Variants in TTC27 observed in about 807,000 individuals in gnomAD.
The protein encoded by TTC27 is tetratricopeptide repeat protein 27.
Under a neutral mutation model 115.9 loss-of-function variants are expected in TTC27, and 79 were observed. The ratio of observed to expected loss-of-function variants is 0.68; its 90% confidence interval spans 0.57 to 0.82. TTC27 has a LOEUF of 0.82. Among genes scored for constraint, TTC27 ranks in the 40% least tolerant of loss-of-function variants. The probability of loss-of-function intolerance (pLI) is 0.00; values close to 1 mark genes in which losing one functional copy is unlikely to be tolerated. For missense variants in TTC27, 1,054 were observed against 993.1 expected (o/e 1.06, Z -0.82); for synonymous variants, 401 against 356.0 (o/e 1.13, Z -1.42).
intron 13 of TTC27, among the ~76,000 whole-genome samples, chr2:32,766,997 G>T (rs1422760531): frequency 6.6e-6 from 1 of 152,026 alleles, no homozygotes; most frequent in Non-Finnish European, 1.5e-5. Context: ...TGTTACTCAG[G>T]CTTGTTTTGA....
At chr2:32,757,217 C>T (rs1669263865) in intron 12 of TTC27, among the ~76,000 whole-genome samples, 1 of 152,132 alleles carries the variant, frequency 6.6e-6, no homozygotes. Context: ...TCCCAGGCTC[C>T]CCAACCATAC....
intron 13 of TTC27, 132 bp downstream of exon 13, chr2:32,758,651 C>G (rs1669328637): frequency 2.5e-6 from 2 of 796,504 alleles, no homozygotes; most frequent in Non-Finnish European, 3.9e-6. Context: ...AACTTAGTCT[C>G]TAATAGACTT....
chr2:32,628,179 T>TA lies in TTC27; in HGVS notation c.-112dup. The TA allele has an allele frequency of 1.1e-6, 1 of 951,506 alleles. No individual in the cohort carries two copies. The highest frequency in any genetic ancestry group is 1.6e-6 in the Non-Finnish European group (1 of 615,886). The allele number at this position is 951,506 out of a possible 1,614,324, so 58.9% of individuals were successfully genotyped here. On this transcript the variant is annotated 5_prime_UTR_variant, in exon 1 of 20. Transcript: ENST00000317907. ...TCTAGGGCCGCAGGTGTATTTACGG[T>TA]AACTGTCGCCACTAGATTTCAGCGC...
intron 6 of TTC27, 144 bp downstream of exon 6, chr2:32,664,611 T>C (rs2151879467): frequency 2.9e-6 from 2 of 693,110 alleles, no homozygotes; most frequent in East Asian, 5.9e-5. Context: ...ATTTACAAAT[T>C]TATAGTTTAT....
intron 13 of TTC27, chr2:32,766,413 C>T: frequency 3.2e-6 from 1 of 308,140 alleles, no homozygotes. Flanking sequence ...TACTTGAACG[C>T]TGAGAGGCAC....
Position 32,744,183 on chromosome 2 carries a change from A to G in TTC27, c.1452+7367A>G, listed in dbSNP as rs892961171. Among the ~76,000 whole-genome samples the G allele has an allele frequency of 3.9e-5, 6 of 152,236 alleles. No individual in the cohort carries two copies. In the East Asian group the frequency reaches 1.2e-3, roughly 29 times the overall value. The stretch of plus-strand genomic sequence containing the variant: ...ATGTGGCTCTCATATTTACAGCTAC[A>G]TAATTCTTTCTCTGCTGTCCTGCTC... On this transcript the variant is annotated intron_variant, in intron 12 of 19. Coordinates refer to ENST00000317907, the MANE Select transcript of TTC27 (RefSeq NM_017735.5).
In TTC27 at chr2:32,798,713, A is replaced by AAAAAAAAAAAT. The variant is rs1368512271; in HGVS notation, c.1998+11566_1998+11567insAAAAAAAATAA. On this transcript the variant is annotated intron_variant, in intron 16 of 19. Coordinates refer to ENST00000317907, the MANE Select transcript of TTC27 (RefSeq NM_017735.5). ...GAGCGAGACTCCAGCTCAAAAAAAA[A>AAAAAAAAAAAT]AATAATAATAATAATAATAATAATA... Among the ~76,000 whole-genome samples the AAAAAAAAAAAT allele has an allele frequency of 1.7e-3, 237 of 142,318 alleles. 1 individual carries two copies. Among genetic ancestry groups the AAAAAAAAAAAT allele is most frequent in the African/African-American group, 6.2e-3 (227 of 36,854 alleles). 93.4% of individuals were successfully genotyped at this position (142,318 alleles called of 152,430 possible).
At chr2:32,819,297 C>T (rs1346034515) in intron 19 of TTC27, among the ~76,000 whole-genome samples, 2 of 152,124 alleles carry the variant, frequency 1.3e-5, no homozygotes, top group East Asian at 3.9e-4. Flanking sequence ...AGAACATCAT[C>T]TGTGTTTAGA....
At chr2:32,728,101 C>T (rs1024527810) in intron 10 of TTC27, among the ~76,000 whole-genome samples, 28 of 140,602 alleles carry the variant, frequency 2.0e-4, no homozygotes, top group Admixed American at 3.9e-4. Context: ...AGTGCAGTGG[C>T]GTGATCTCTG....
chr2:32,700,832 G>A (rs1572528318), intron 9 of TTC27, among the ~76,000 whole-genome samples: 2 of 152,268 alleles, frequency 1.3e-5, no homozygotes, highest in African/African-American at 2.4e-5. Context: ...GAGCCATCAC[G>A]CCCTGCCTGA....
chr2:32,733,673 G>T (rs1668364158), intron 10 of TTC27, among the ~76,000 whole-genome samples, 155 bp from the exon 11 acceptor site: 1 of 152,126 alleles, frequency 6.6e-6, no homozygotes, highest in Non-Finnish European at 1.5e-5. Context: ...AACATTTAAA[G>T]AAATTCGAGA....
Position 32,630,702 on chromosome 2 carries a change from T to C in TTC27, c.266+2T>C, listed in dbSNP as rs773942077. 6.3e-7 allele frequency: 1 copy of C among 1,596,224 alleles called. No individual in the cohort carries two copies. On this transcript the variant is annotated splice_donor_variant, in intron 2 of 19. Transcript: ENST00000317907. LOFTEE classifies it high-confidence loss of function. Reference sequence around the variant, plus strand: ...AACAGATTTGGACACAACGGAAAGGTAGAATTTTATTTGAAATTTTCATAG... The same window carrying C: ...AACAGATTTGGACACAACGGAAAGGCAGAATTTTATTTGAAATTTTCATAG...
intron 16 of TTC27, among the ~76,000 whole-genome samples, chr2:32,795,319 T>C (rs1670661167): frequency 6.6e-6 from 1 of 151,926 alleles, no homozygotes. Flanking sequence ...TATAATATAC[T>C]ACATTAACAG....
In TTC27 at chr2:32,811,232, C is replaced by T. The variant is rs758659190; in HGVS notation, c.2196+11C>T. 4.3e-6 allele frequency: 7 copies of T among 1,609,872 alleles called. No homozygotes were observed. In the South Asian group the frequency reaches 7.8e-5, roughly 18 times the overall value. On this transcript the variant is annotated intron_variant, in intron 17 of 19. Transcript: ENST00000317907. ...GATGAAAATGAAAAGGCAAGTCCTT[C>T]ATTCCTCCTGAGTCCTTGCCTTTCG...
chr2:32,632,076 G>T (rs1664238585), intron 2 of TTC27, among the ~76,000 whole-genome samples: 1 of 151,448 alleles, frequency 6.6e-6, no homozygotes. Context: ...CTCCCAAAGT[G>T]CTGGGATTAC....
chr2:32,648,456 TTA>T (rs1433318345), intron 4 of TTC27, among the ~76,000 whole-genome samples: 5 of 146,808 alleles, frequency 3.4e-5, no homozygotes, highest in African/African-American at 1.0e-4. Flanking sequence ...TTTTTTTTTT[TTA>T]AAACAGACTT....
At chr2:32,684,642 T>C (rs74959374) in intron 9 of TTC27, among the ~76,000 whole-genome samples, 228 of 152,294 alleles carry the variant, frequency 1.5e-3, no homozygotes, top group African/African-American at 4.9e-3. Context: ...GATCATAACA[T>C]AGTTTGCTAA....
At chr2:32,698,987 T>C (rs894574269) in intron 9 of TTC27, among the ~76,000 whole-genome samples, 2 of 152,178 alleles carry the variant, frequency 1.3e-5, no homozygotes, top group Non-Finnish European at 2.9e-5. Flanking sequence ...AAGAATCTAT[T>C]AGGTGGATTT....
chr2:32,661,575 G>C (rs1030158927), intron 5 of TTC27, among the ~76,000 whole-genome samples: 2 of 152,084 alleles, frequency 1.3e-5, no homozygotes, highest in African/African-American at 4.8e-5. Flanking sequence ...CCATTTGTCT[G>C]TTATTGGTGT....
Sources: gnomAD v4.1 joint callset for allele counts (sites outside exome capture counted in the v4.1 genomes callset) on GRCh38, gnomAD v4.1.1 for gene constraint, MANE v1.5 for transcripts, NCBI Gene and HGNC (gene_info 2026-07-23, HGNC 2026-07-21) for gene names.